Variants in ABTB3 observed in about 807,000 individuals in gnomAD.
The protein encoded by ABTB3 is ankyrin repeat- and BTB/POZ domain-containing protein 3.
the ABTB3 span, among the ~76,000 whole-genome samples, chr12:107,373,194 G>A: frequency 6.6e-6 from 1 of 152,186 alleles, no homozygotes; most frequent in African/African-American, 2.4e-5. Context: ...AATGAACTCC[G>A]CATTGGCTGG....
At chr12:107,648,380 CCACACACA>C in the ABTB3 span, among the ~76,000 whole-genome samples, 19 of 140,200 alleles carry the variant, frequency 1.4e-4, no homozygotes, top group East Asian at 3.6e-3. Flanking sequence ...GACCCCATCT[CCACACACA>C]CACACACACA....
the ABTB3 span, among the ~76,000 whole-genome samples, chr12:107,629,153 A>C: frequency 1.3e-5 from 2 of 152,182 alleles, no homozygotes; most frequent in Non-Finnish European, 2.9e-5. Context: ...GTGGTGGCTC[A>C]TGCCTGTAAT....
chr12:107,574,286 C>T, the ABTB3 span, among the ~76,000 whole-genome samples: 1 of 152,214 alleles, frequency 6.6e-6, no homozygotes, highest in Non-Finnish European at 1.5e-5. Flanking sequence ...ACCTGTGACC[C>T]CTTTTCCTCC....
the ABTB3 span, among the ~76,000 whole-genome samples, chr12:107,382,770 G>T: frequency 1.3e-5 from 2 of 152,100 alleles, no homozygotes; most frequent in African/African-American, 4.8e-5. Context: ...TGGGGTGGAG[G>T]GCTAGGGGAG....
chr12:107,609,329 G>A, the ABTB3 span, among the ~76,000 whole-genome samples: 9 of 152,228 alleles, frequency 5.9e-5, no homozygotes, highest in African/African-American at 1.9e-4. Context: ...TGATTGATCA[G>A]TTCATTGTGA....
At chr12:107,471,896 T>C in the ABTB3 span, among the ~76,000 whole-genome samples, 1 of 152,160 alleles carries the variant, frequency 6.6e-6, no homozygotes, top group Non-Finnish European at 1.5e-5. Context: ...TCTGTCCCCT[T>C]AGATCTGGTT....
chr12:107,386,229 A>AG, the ABTB3 span, among the ~76,000 whole-genome samples: 2 of 152,156 alleles, frequency 1.3e-5, no homozygotes, highest in African/African-American at 2.4e-5. Flanking sequence ...CTGCCTAACG[A>AG]GGCTAGTTCA....
the ABTB3 span, among the ~76,000 whole-genome samples, chr12:107,371,654 C>T: frequency 1.1e-4 from 17 of 152,286 alleles, no homozygotes; most frequent in Non-Finnish European, 2.2e-4. Flanking sequence ...GAGTTTTTTA[C>T]TCCTCCTCCA....
the ABTB3 span, chr12:107,609,967 C>A: frequency 1.8e-6 from 1 of 567,040 alleles, no homozygotes; most frequent in Non-Finnish European, 3.1e-6. Context: ...TGTGACTTAG[C>A]TCAGTATGCT....
chr12:107,564,013 G>A, the ABTB3 span, among the ~76,000 whole-genome samples: 2 of 151,780 alleles, frequency 1.3e-5, no homozygotes. Flanking sequence ...GAGAGAAACT[G>A]GAATCAGGAA....
At chr12:107,378,682 C>T in the ABTB3 span, among the ~76,000 whole-genome samples, 1 of 152,152 alleles carries the variant, frequency 6.6e-6, no homozygotes, top group African/African-American at 2.4e-5. Flanking sequence ...CACACTGGCT[C>T]GCCTTCCCTG....
chr12:107,511,455 C>T, the ABTB3 span, among the ~76,000 whole-genome samples: 9 of 152,012 alleles, frequency 5.9e-5, no homozygotes, highest in Non-Finnish European at 1.0e-4. Context: ...TAATCTTGGC[C>T]GGACTCTCTT....
the ABTB3 span, among the ~76,000 whole-genome samples, chr12:107,487,968 G>A: frequency 1.1e-4 from 16 of 151,658 alleles, no homozygotes; most frequent in East Asian, 3.1e-3. Context: ...GACTTTTGGG[G>A]GAAATAAGAT....
chr12:107,334,734 G>C, the ABTB3 span, among the ~76,000 whole-genome samples: 2 of 152,134 alleles, frequency 1.3e-5, no homozygotes, highest in Non-Finnish European at 2.9e-5. Context: ...GAGTATAGAA[G>C]GGACAAGAAG....
the ABTB3 span, among the ~76,000 whole-genome samples, chr12:107,647,368 G>A: frequency 1.3e-5 from 2 of 152,034 alleles, no homozygotes; most frequent in East Asian, 3.9e-4. Context: ...AGCCAGGCAC[G>A]GTGGTGCGTG....
the ABTB3 span, among the ~76,000 whole-genome samples, chr12:107,558,614 G>T: frequency 2.0e-4 from 30 of 152,250 alleles, no homozygotes; most frequent in African/African-American, 7.0e-4. Flanking sequence ...GGACTCAGCT[G>T]CATCCCCACC....
chr12:107,486,600 A>G, the ABTB3 span: 1 of 152,148 alleles, frequency 6.6e-6, no homozygotes, highest in South Asian at 2.1e-4. Context: ...AAAATCAGAC[A>G]ATATTGGGCA....
chr12:107,530,207 T>G, the ABTB3 span, among the ~76,000 whole-genome samples: 5 of 152,178 alleles, frequency 3.3e-5, no homozygotes, highest in African/African-American at 1.2e-4. Flanking sequence ...TACCTGACCG[T>G]CAGGCTTCCC....
chr12:107,604,228 C>T, the ABTB3 span, among the ~76,000 whole-genome samples: 1 of 151,982 alleles, frequency 6.6e-6, no homozygotes. Flanking sequence ...GCAGGCAGGT[C>T]ACTTGAGCTC....
Sources: gnomAD v4.1 joint callset for allele counts (sites outside exome capture counted in the v4.1 genomes callset) on GRCh38, gnomAD v4.1.1 for gene constraint, MANE v1.5 for transcripts, NCBI Gene and HGNC (gene_info 2026-07-23, HGNC 2026-07-21) for gene names.